DLG2: variants seen among roughly 807,000 people sequenced by gnomAD.
DLG2 encodes the protein discs large MAGUK scaffold protein 2, also known as disks large homolog 2.
In DLG2, 45 loss-of-function variants were observed where a neutral mutation model predicts 132.5. The observed-to-expected ratio is 0.34, with a 90% CI of 0.27 to 0.44. DLG2 has a LOEUF of 0.44. DLG2 is among the 20% of genes least tolerant of loss of function. DLG2 has a pLI of 1.00. For missense variants in DLG2, 1,045 were observed against 1,196.9 expected, an observed-to-expected ratio of 0.87 and a Z score of 1.87; for synonymous variants, 424 against 419.6, an observed-to-expected ratio of 1.01 and a Z score of -0.13.
At chr11:84,956,102 C>T (rs1045739598) in intron 6 of DLG2, among the ~76,000 whole-genome samples, 1 of 152,078 alleles carries the variant, frequency 6.6e-6, no homozygotes, top group African/African-American at 2.4e-5. Flanking sequence ...CTCTAAATCC[C>T]GCCTGTCTCC....
At chr11:84,186,870 T>G (rs2096286642) in intron 8 of DLG2, among the ~76,000 whole-genome samples, 1 of 151,882 alleles carries the variant, frequency 6.6e-6, no homozygotes, top group Non-Finnish European at 1.5e-5. Context: ...CTTAGGTAAG[T>G]GAATGGTAGC....
intron 6 of DLG2, among the ~76,000 whole-genome samples, chr11:84,744,499 T>C (rs535737713): frequency 1.3e-5 from 2 of 152,190 alleles, no homozygotes; most frequent in East Asian, 1.9e-4. Flanking sequence ...AACTCTTCAG[T>C]TCTGACTGCA....
chr11:85,115,991 C>G (rs2073513743), intron 5 of DLG2, among the ~76,000 whole-genome samples: 1 of 151,886 alleles, frequency 6.6e-6, no homozygotes, highest in African/African-American at 2.4e-5. Context: ...ACACAAGAGG[C>G]CCTCCTGAGT....
chr11:85,353,548 T>C (rs549722847), intron 3 of DLG2, among the ~76,000 whole-genome samples: 7 of 152,274 alleles, frequency 4.6e-5, no homozygotes, highest in South Asian at 2.1e-4. Flanking sequence ...CATAGGTTTA[T>C]TGCAGCACTA....
chr11:84,393,400 C>T (rs1336502035), intron 7 of DLG2, among the ~76,000 whole-genome samples: 2 of 151,818 alleles, frequency 1.3e-5, no homozygotes, highest in Non-Finnish European at 2.9e-5. Context: ...TTCTGTCTGT[C>T]TACAGCTAAG....
At chr11:84,588,757 A>G (rs2154530224) in intron 6 of DLG2, among the ~76,000 whole-genome samples, 1 of 150,118 alleles carries the variant, frequency 6.7e-6, no homozygotes, top group African/African-American at 2.5e-5. Context: ...CAAAACCAAG[A>G]TGGTAAACTT....
intron 18 of DLG2, among the ~76,000 whole-genome samples, chr11:83,709,912 T>A (rs549936715): frequency 6.6e-6 from 1 of 152,332 alleles, no homozygotes; most frequent in South Asian, 2.1e-4. Flanking sequence ...TAGGCCTTCC[T>A]TTCCCAACCC....
At chr11:84,154,605 C>T (rs1292212478) in intron 9 of DLG2, among the ~76,000 whole-genome samples, 2 of 152,152 alleles carry the variant, frequency 1.3e-5, no homozygotes, top group Admixed American at 6.5e-5. Flanking sequence ...ACCAGTAACT[C>T]GTCATTTACA....
chr11:85,531,335 C>A (rs2075196215), intron 3 of DLG2, among the ~76,000 whole-genome samples: 1 of 152,138 alleles, frequency 6.6e-6, no homozygotes, highest in South Asian at 2.1e-4. Flanking sequence ...GAAGCAAGAC[C>A]ATGCCAAACA....
At position 85,183,091 on chromosome 11, in the gene DLG2, T is replaced by C. The variant is rs115271355; in HGVS notation, c.187-28440A>G. Among the ~76,000 whole-genome samples, 436 of 151,882 alleles carry C rather than the reference T, an allele frequency of 2.9e-3. 2 individuals are homozygous for C. The highest frequency in any genetic ancestry group is 0.01 in the African/African-American group (428 of 41,506). On this transcript the variant is annotated intron_variant, in intron 4 of 27. Coordinates refer to ENST00000376104, the MANE Select transcript of DLG2 (RefSeq NM_001142699.3). ...AAACATTCTCAATTTCTGGAGCCAG[T>C]CCTGACCAAGCTTAGCAGAATATTA...
intron 3 of DLG2, among the ~76,000 whole-genome samples, chr11:85,419,504 T>C (rs577764203): frequency 6.6e-6 from 1 of 152,244 alleles, no homozygotes; most frequent in Admixed American, 6.5e-5. Flanking sequence ...TCATGGATAA[T>C]ATCCTGAAGC....
At chr11:85,191,880 A>T (rs1260170056) in intron 4 of DLG2, among the ~76,000 whole-genome samples, 1 of 152,204 alleles carries the variant, frequency 6.6e-6, no homozygotes, top group East Asian at 1.9e-4. Flanking sequence ...AGAGATGGCT[A>T]TTATTATTTT....
At chr11:85,014,361 C>A (rs2059394597) in intron 6 of DLG2, among the ~76,000 whole-genome samples, 1 of 152,132 alleles carries the variant, frequency 6.6e-6, no homozygotes, top group African/African-American at 2.4e-5. Context: ...TGTAATTCTT[C>A]CTTATATATG....
intron 18 of DLG2, among the ~76,000 whole-genome samples, chr11:83,660,711 G>T (rs980633078): frequency 2.6e-5 from 4 of 152,130 alleles, no homozygotes; most frequent in African/African-American, 4.8e-5. Flanking sequence ...AATTATCAAG[G>T]CAGTATAGAC....
intron 22 of DLG2, among the ~76,000 whole-genome samples, chr11:83,482,271 C>A (rs767390153): frequency 5.3e-5 from 8 of 152,026 alleles, no homozygotes; most frequent in South Asian, 2.1e-4. Context: ...CAGTTCAATG[C>A]AATTTTGTTT....
chr11:85,367,801 T>C (rs567176141), intron 3 of DLG2, among the ~76,000 whole-genome samples: 2 of 152,280 alleles, frequency 1.3e-5, no homozygotes, highest in East Asian at 3.9e-4. Flanking sequence ...CCTATTTCGG[T>C]TGCATCTTTT....
chr11:85,241,079 T>C (rs2152676336), intron 4 of DLG2, among the ~76,000 whole-genome samples: 1 of 151,900 alleles, frequency 6.6e-6, no homozygotes, highest in East Asian at 1.9e-4. Context: ...TGCTTTTTAA[T>C]AAAGTTTTAT....
intron 7 of DLG2, among the ~76,000 whole-genome samples, chr11:84,260,693 A>G (rs2097538742): frequency 6.6e-6 from 1 of 152,214 alleles, no homozygotes; most frequent in African/African-American, 2.4e-5. Context: ...TTGTCTATAG[A>G]GAAGTAAACA....
At chr11:84,915,109 G>A (rs948736557) in intron 6 of DLG2, among the ~76,000 whole-genome samples, 2 of 152,194 alleles carry the variant, frequency 1.3e-5, no homozygotes, top group South Asian at 4.1e-4. Context: ...CTTTTCATTT[G>A]CATATTCCTA....
Sources: gnomAD v4.1 joint callset for allele counts (sites outside exome capture counted in the v4.1 genomes callset) on GRCh38, gnomAD v4.1.1 for gene constraint, MANE v1.5 for transcripts, NCBI Gene and HGNC (gene_info 2026-07-23, HGNC 2026-07-21) for gene names.